Variants in IFITM10 observed in about 807,000 individuals in gnomAD.
The protein encoded by IFITM10 is interferon-induced transmembrane protein 10.
In IFITM10, 17 loss-of-function variants were observed where a neutral mutation model predicts 19.0. The ratio of observed to expected loss-of-function variants is 0.90; its 90% CI spans 0.61 to 1.34. The LOEUF is 1.34. IFITM10 is among the 40% of genes most tolerant of loss of function. The pLI, the probability that IFITM10 is intolerant of heterozygous loss-of-function variation, is 0.00. For synonymous variants in IFITM10, 148 were observed against 147.2 expected (o/e 1.01, Z -0.04); for missense variants, 306 against 319.8 (o/e 0.96, Z 0.33).
intron 2 of IFITM10, among the ~76,000 whole-genome samples, chr11:1,742,968 A>AGGAT (rs780549881): frequency 1.4e-5 from 2 of 144,524 alleles, no homozygotes; most frequent in Non-Finnish European, 3.0e-5. Flanking sequence ...GGACAGATGG[A>AGGAT]GGATGGATGG....
chr11:1,734,253 G>GC lies in IFITM10; in HGVS notation c.*1026dup, dbSNP rs1851059156. The GC allele has an allele frequency of 6.6e-6, 1 of 152,262 alleles. No individual in the cohort carries two copies. Among genetic ancestry groups the GC allele is most frequent in the Admixed American group, 6.5e-5 (1 of 15,284 alleles). 9.4% of individuals were successfully genotyped at this position (152,262 alleles called of 1,614,324 possible). A position where few individuals can be genotyped will look rare whatever the true frequency, so the allele number is the denominator to read the frequency against. ...TTCCAAGGGGACAGAGCCCATCCCT[G>GC]CATCCTGCCTCCCACATTGTGGACT... On this transcript the variant is annotated 3_prime_UTR_variant, in exon 3 of 3. Transcript: ENST00000340134.
chr11:1,750,305 C>T, intron 1 of IFITM10, 54 bp downstream of exon 1: 2 of 1,550,478 alleles, frequency 1.3e-6, no homozygotes. Context: ...CTCCCTCCCT[C>T]CAAGTCCCCC....
At chr11:1,749,373 G>A (rs182816077) in intron 1 of IFITM10, among the ~76,000 whole-genome samples, 1 of 151,970 alleles carries the variant, frequency 6.6e-6, no homozygotes, top group East Asian at 2.0e-4. Flanking sequence ...CCCGACCAGG[G>A]TGTCCGCGCC....
chr11:1,739,497 C>T (rs890348702), intron 2 of IFITM10, among the ~76,000 whole-genome samples: 4 of 152,202 alleles, frequency 2.6e-5, no homozygotes, highest in African/African-American at 7.2e-5. Context: ...TCTGTCCTCA[C>T]GCAGCTTACA....
In IFITM10 at chr11:1,749,533, C is replaced by T. The variant is rs545043709; in HGVS notation, c.84+826G>A. ...GAGAGACCCTCTTCCTCTTCCCACT[C>T]TCCCCATGGCGCTCCACCCCAGCGC... On this transcript the variant is annotated intron_variant, in intron 1 of 2. Coordinates refer to ENST00000340134, the MANE Select transcript of IFITM10 (RefSeq NM_001170820.4). Among the ~76,000 whole-genome samples the T allele has an allele frequency of 2.6e-5, 4 of 151,852 alleles. No homozygotes were observed. The South Asian group carries it at 6.2e-4, about 24-fold the overall frequency.
Position 1,735,345 on chromosome 11 carries a change from C to G in IFITM10, c.622G>C (p.Ala208Pro). Residue 208 changes from alanine to proline, a missense_variant, in exon 3 of 3, where the codon GCC becomes CCC. Physicochemically the swap from Ala to Pro is conservative, Grantham distance 27. Transcript: ENST00000340134. ...AGGATGATGCAGGAGGCTGCCAGGG[C>G]AGAACTGGTGATGTTGAACAGCCGG... The part of the protein sequence containing the change: ...TARLFNITSS[A>P]LAASCIILVF... 6.4e-7 allele frequency: 1 copy of G among 1,551,722 alleles called. No individual in the cohort carries two copies. Among genetic ancestry groups the G allele is most frequent in the Non-Finnish European group, 8.7e-7 (1 of 1,146,984 alleles).
In IFITM10 at chr11:1,735,107, C is replaced by T. The variant is rs1007881966; in HGVS notation, c.*173G>A. 4.7e-6 allele frequency: 3 copies of T among 637,198 alleles called. No homozygotes were observed. Among genetic ancestry groups the T allele is most frequent in the Admixed American group, 3.0e-5 (1 of 33,530 alleles). The allele number at this position is 637,198 out of a possible 1,614,324, so 39.5% of individuals were successfully genotyped here. ...GGTGGACTGAGGGCCAAGCTCACTG[C>T]CCCCTTGCTGTACTCAGCTTCTGAT... On this transcript the variant is annotated 3_prime_UTR_variant, in exon 3 of 3. Transcript: ENST00000340134.
chr11:1,746,459 CACAT>C (rs755429262), intron 2 of IFITM10: 54 of 397,786 alleles, frequency 1.4e-4, no homozygotes, highest in Non-Finnish European at 1.9e-4. Flanking sequence ...CGTGAGTACA[CACAT>C]ACACTGACAC....
At chr11:1,736,661 T>G (rs1851090199) in intron 2 of IFITM10, among the ~76,000 whole-genome samples, 1 of 149,390 alleles carries the variant, frequency 6.7e-6, no homozygotes, top group African/African-American at 2.5e-5. Flanking sequence ...GTGGGTGGAA[T>G]GGATGGAGTG....
At chr11:1,740,145 C>T (rs1845545853) in intron 2 of IFITM10, among the ~76,000 whole-genome samples, 1 of 151,678 alleles carries the variant, frequency 6.6e-6, no homozygotes, top group African/African-American at 2.4e-5. Context: ...ACTAAAAATA[C>T]AAAAATTATC....
chr11:1,750,211 C>T, intron 1 of IFITM10, 148 bp downstream of exon 1: 2 of 1,421,086 alleles, frequency 1.4e-6, no homozygotes, highest in Admixed American at 4.0e-5. Context: ...TCCTCACTCT[C>T]ACGGTATGCT....
intron 2 of IFITM10, among the ~76,000 whole-genome samples, chr11:1,740,495 A>G (rs56778307): frequency 0.063 from 9,573 of 151,952 alleles, 382 homozygotes; most frequent in South Asian, 0.18. Flanking sequence ...GAATGTGATA[A>G]AAAGCATGGA....
chr11:1,736,737 A>G (rs1446828541), intron 2 of IFITM10, among the ~76,000 whole-genome samples: 2 of 151,162 alleles, frequency 1.3e-5, no homozygotes, highest in African/African-American at 2.4e-5. Context: ...GAATGGATGG[A>G]GTGGAGTGGA....
chr11:1,737,339 T>C (rs1851098253), intron 2 of IFITM10, among the ~76,000 whole-genome samples: 2 of 152,224 alleles, frequency 1.3e-5, no homozygotes, highest in African/African-American at 2.4e-5. Context: ...ATAAATCATA[T>C]CTACAGCAAA....
intron 2 of IFITM10, among the ~76,000 whole-genome samples, chr11:1,741,008 C>T (rs185112428): frequency 6.6e-6 from 1 of 152,240 alleles, no homozygotes; most frequent in East Asian, 1.9e-4. Flanking sequence ...TTGCCCTCCA[C>T]CATGACTGGA....
Position 1,750,519 on chromosome 11 carries a change from C to T in IFITM10, c.-77G>A. The T allele has an allele frequency of 1.3e-6, 2 of 1,533,504 alleles. No individual in the cohort carries two copies. Among genetic ancestry groups the T allele is most frequent in the Non-Finnish European group, 1.8e-6 (2 of 1,135,498 alleles). 95.0% of individuals were successfully genotyped at this position (1,533,504 alleles called of 1,614,324 possible). ...CAACTGGCCTCCTGTGTCTCCGCAA[C>T]CCTCTTTCCTGTCTGGAAGGCCAGT... is the stretch of plus-strand genomic sequence containing the variant. On this transcript the variant is annotated 5_prime_UTR_variant, in exon 1 of 3. Coordinates refer to ENST00000340134, the MANE Select transcript of IFITM10 (RefSeq NM_001170820.4).
Position 1,748,070 on chromosome 11 carries a change from G to C in IFITM10, c.134C>G (p.Thr45Ser). The C allele has an allele frequency of 7.1e-7, 1 of 1,416,556 alleles. No individual in the cohort carries two copies. Among genetic ancestry groups the C allele is most frequent in the South Asian group, 1.5e-5 (1 of 66,188 alleles). 87.7% of individuals were successfully genotyped at this position (1,416,556 alleles called of 1,614,324 possible). ...TCGGGCTTCCTGGGCGCCGTCCGTG[G>C]TGCTGGCCGGGTCTCCCAGCGGGGC... is the stretch of plus-strand genomic sequence containing the variant. ...CPAPLGDPAS[T>S]TDGAQEARVP... The change falls in exon 2 of 3, where the codon ACC (threonine) becomes AGC (serine). Residue 45 changes from threonine to serine, a missense_variant. By Grantham distance (58) the Thr-to-Ser change is moderately conservative. Coordinates refer to ENST00000340134, the MANE Select transcript of IFITM10 (RefSeq NM_001170820.4).
intron 2 of IFITM10, among the ~76,000 whole-genome samples, chr11:1,736,786 G>A (rs1240733023): frequency 1.3e-5 from 2 of 148,992 alleles, no homozygotes; most frequent in Non-Finnish European, 2.9e-5. Context: ...TGGATAGAGT[G>A]GATGGAGTGG....
rs1217117766 is a variant in IFITM10, at chr11:1,748,922, C to G, written c.85-803G>C. ...TGCGCCACCCCGCGTTCCCAGCTCC[C>G]GTGCGGCGCTCGCCGGGGGGTCTGC... On this transcript the variant is annotated intron_variant, in intron 1 of 2. Transcript: ENST00000340134. 9 of 471,862 alleles carry G rather than the reference C, an allele frequency of 1.9e-5. No homozygotes were observed. The South Asian group carries it at 4.6e-4, about 24-fold the overall frequency. 29.2% of individuals were successfully genotyped at this position (471,862 alleles called of 1,614,324 possible).
Sources: allele counts gnomAD v4.1 joint callset (sites outside exome capture counted in the v4.1 genomes callset), GRCh38; gene constraint gnomAD v4.1.1; transcripts MANE v1.5; gene names NCBI Gene and HGNC (gene_info 2026-07-23, HGNC 2026-07-21).